The following INTS8 variants were observed in gnomAD, a reference collection of about 807,000 sequenced individuals.
INTS8 encodes integrator complex subunit 8, also known as protein kaonashi-1.
INTS8 carries 47 observed loss-of-function variants against 138.9 expected under a neutral mutation model. That is an observed-to-expected ratio of 0.34 (90% CI 0.27 to 0.43). The LOEUF is 0.43. Among genes scored for constraint, INTS8 ranks in the 20% least tolerant of loss-of-function variants. The pLI is 1.00. For missense variants in INTS8, 996 were observed against 1,173.0 expected (o/e 0.85, Z 2.20); for synonymous variants, 392 against 400.9 (o/e 0.98, Z 0.27).
intron 23 of INTS8, among the ~76,000 whole-genome samples, chr8:94,875,593 C>G (rs1816539948): frequency 6.6e-6 from 1 of 152,014 alleles, no homozygotes; most frequent in African/African-American, 2.4e-5. Flanking sequence ...AGATTGGGTA[C>G]TTTAAGAGGG....
chr8:94,827,466 CAAGGA>C, intron 3 of INTS8, 63 bp downstream of exon 3: 1 of 1,551,928 alleles, frequency 6.4e-7, no homozygotes, highest in Non-Finnish European at 8.9e-7. Context: ...CTGTGGCTTT[CAAGGA>C]TATTCTTTTA....
chr8:94,874,244 TC>T (rs1438088363), intron 22 of INTS8, among the ~76,000 whole-genome samples: 1 of 66,434 alleles, frequency 1.5e-5, no homozygotes, highest in Non-Finnish European at 3.3e-5. Flanking sequence ...TCAAATTTTG[TC>T]CGTTTTTTTT....
Position 94,827,505 on chromosome 8 carries a change from T to G in INTS8, c.446+102T>G, listed in dbSNP as rs1449539265. 7 of 1,385,630 alleles carry G rather than the reference T, an allele frequency of 5.1e-6. No homozygotes were observed. The Admixed American group carries it at 5.7e-5, about 11-fold the overall frequency. The allele number at this position is 1,385,630 out of a possible 1,614,324, so 85.8% of individuals were successfully genotyped here. On this transcript the variant is annotated intron_variant, in intron 3 of 26. Coordinates refer to ENST00000523731, the MANE Select transcript of INTS8 (RefSeq NM_017864.4). ...TAATGGACCCATTCTGCTGCAGGGA[T>G]TTTTCAAATCTGGGGAACTGTGAGT...
rs535869438 is a variant in INTS8 at position 94,873,279 on chromosome 8, T to C, written c.2534-95T>C. 1.1e-5 allele frequency: 9 copies of C among 851,110 alleles called. No homozygotes were observed. The East Asian group carries it at 1.7e-4, about 16-fold the overall frequency. 52.7% of individuals were successfully genotyped at this position (851,110 alleles called of 1,614,324 possible). A position where few individuals can be genotyped will look rare whatever the true frequency, so the allele number is the denominator to read the frequency against. Reference sequence around the variant, plus strand: ...CTAGTTCTGTGGTTTGAATCTGCTTTTGTTAACTTATGAAGTTACACCTGA... The same window carrying C: ...CTAGTTCTGTGGTTTGAATCTGCTTCTGTTAACTTATGAAGTTACACCTGA... On this transcript the variant is annotated intron_variant, in intron 21 of 26. Transcript: ENST00000523731.
intron 14 of INTS8, among the ~76,000 whole-genome samples, chr8:94,854,976 G>A (rs925586051): frequency 4.0e-5 from 6 of 151,564 alleles, no homozygotes; most frequent in Non-Finnish European, 8.8e-5. Context: ...AAACTCCTGG[G>A]CTCAAACAAT....
chr8:94,868,195 C>G (rs1292328760), intron 20 of INTS8, among the ~76,000 whole-genome samples: 1 of 152,094 alleles, frequency 6.6e-6, no homozygotes, highest in East Asian at 1.9e-4. Flanking sequence ...TTGAAGAAAT[C>G]ATGTACATTT....
chr8:94,861,431 T>G (rs1815977309), intron 16 of INTS8, among the ~76,000 whole-genome samples: 1 of 150,350 alleles, frequency 6.7e-6, no homozygotes, highest in African/African-American at 2.4e-5. Flanking sequence ...CCGGCTAATT[T>G]TTTGTATTTT....
intron 12 of INTS8, among the ~76,000 whole-genome samples, chr8:94,850,936 T>C (rs943104258): frequency 1.3e-5 from 2 of 152,214 alleles, no homozygotes; most frequent in Non-Finnish European, 2.9e-5. Context: ...GAGAATTCGA[T>C]TGGTTTAACA....
At chr8:94,879,313 G>T (rs765263729) in intron 26 of INTS8, among the ~76,000 whole-genome samples, 2 of 152,124 alleles carry the variant, frequency 1.3e-5, no homozygotes, top group Non-Finnish European at 1.5e-5. Context: ...AGAAATTCTA[G>T]GCCGGGTGCA....
At chr8:94,868,012 G>A (rs1816245986) in intron 20 of INTS8, among the ~76,000 whole-genome samples, 1 of 152,030 alleles carries the variant, frequency 6.6e-6, no homozygotes, top group Admixed American at 6.6e-5. Context: ...TTTTTTGTAT[G>A]TCTCATCTAA....
intron 10 of INTS8, among the ~76,000 whole-genome samples, chr8:94,847,291 C>T (rs993697410): frequency 2.0e-5 from 3 of 152,160 alleles, no homozygotes; most frequent in African/African-American, 7.2e-5. Flanking sequence ...ATCCTCCCAC[C>T]TCTGCCTCCC....
At chr8:94,853,774 C>T (rs2131036939) in intron 13 of INTS8, 31 bp from the exon 14 acceptor site, 2 of 1,222,600 alleles carry the variant, frequency 1.6e-6, no homozygotes, top group Non-Finnish European at 2.4e-6. Flanking sequence ...TCTATGTGTG[C>T]ATATATATAT....
At chr8:94,826,194 T>C (rs1586462130) in intron 2 of INTS8, among the ~76,000 whole-genome samples, 1 of 152,240 alleles carries the variant, frequency 6.6e-6, no homozygotes, top group African/African-American at 2.4e-5. Flanking sequence ...TGGATTGCAT[T>C]CCAAAAGAGT....
chr8:94,852,808 C>A (rs1279158833), intron 13 of INTS8, among the ~76,000 whole-genome samples: 1 of 151,998 alleles, frequency 6.6e-6, no homozygotes, highest in East Asian at 1.9e-4. Context: ...CCATGTTGGT[C>A]AGGCTGGTCT....
Position 94,876,214 on chromosome 8 carries a change from C to T in INTS8, c.2763-7C>T, listed in dbSNP as rs2131079004. 1 of 1,609,404 alleles carries T rather than the reference C, an allele frequency of 6.2e-7. No homozygotes were observed. Among genetic ancestry groups the T allele is most frequent in the Middle Eastern group, 1.7e-4 (1 of 6,042 alleles). ...TGCTTAAGAAGTAACTGAATTCTGT[C>T]TTTCAGTCATGATGCTATGGACTCC... On this transcript the variant is annotated splice_polypyrimidine_tract_variant and splice_region_variant and intron_variant, in intron 24 of 26. Coordinates refer to ENST00000523731, the MANE Select transcript of INTS8 (RefSeq NM_017864.4).
intron 6 of INTS8, 21 bp downstream of exon 6, chr8:94,832,195 T>G: frequency 6.3e-7 from 1 of 1,592,754 alleles, no homozygotes; most frequent in Non-Finnish European, 8.5e-7. Context: ...GATACTTAAT[T>G]TACGTAGGGC....
At chr8:94,837,736 A>T (rs1033768100) in intron 7 of INTS8, among the ~76,000 whole-genome samples, 1 of 152,290 alleles carries the variant, frequency 6.6e-6, no homozygotes, top group African/African-American at 2.4e-5. Context: ...CATACTTGGT[A>T]TGATAATGAT....
Position 94,838,470 on chromosome 8 carries a change from C to T in INTS8, c.869C>T (p.Ser290Leu). Residue 290 changes from serine to leucine, a missense_variant, in exon 8 of 27, where the codon TCA becomes TTA. By Grantham distance (145) the Ser-to-Leu change is moderately radical (BLOSUM62 -2). Coordinates refer to ENST00000523731, the MANE Select transcript of INTS8 (RefSeq NM_017864.4). ...RTKELIAEIG[S>L]LSLHCTIDEK... ...ATACCTCTTACTTTACAGATAGGTT[C>T]ATTATCTCTTCATTGTACCATAGAT... The T allele has an allele frequency of 6.2e-7, 1 of 1,611,932 alleles. No homozygotes were observed. Among genetic ancestry groups the T allele is most frequent in the Non-Finnish European group, 8.5e-7 (1 of 1,178,134 alleles).
At chr8:94,847,704 T>G (rs532308460) in intron 10 of INTS8, among the ~76,000 whole-genome samples, 4 of 152,172 alleles carry the variant, frequency 2.6e-5, no homozygotes, top group Admixed American at 2.6e-4. Flanking sequence ...GTTTTTCTTT[T>G]TTTAAATTGA....
Sources: gnomAD v4.1 joint callset for allele counts (sites outside exome capture counted in the v4.1 genomes callset) on GRCh38, gnomAD v4.1.1 for gene constraint, MANE v1.5 for transcripts, NCBI Gene and HGNC (gene_info 2026-07-23, HGNC 2026-07-21) for gene names.